The following VWF variants were observed in gnomAD, a reference collection of about 807,000 sequenced individuals.
VWF encodes von Willebrand factor, also known as Factor VIII related antigen.
Under a neutral mutation model 308.6 loss-of-function variants are expected in VWF, and 176 were observed. That is an observed-to-expected ratio of 0.57 (90% CI 0.50 to 0.65). The LOEUF is 0.65. VWF is among the 30% of genes least tolerant of loss of function. VWF has a pLI of 0.00. For missense variants in VWF, 3,146 were observed against 3,648.2 expected, an observed-to-expected ratio of 0.86 and a Z score of 3.55; for synonymous variants, 1,385 against 1,443.4, an observed-to-expected ratio of 0.96 and a Z score of 0.92.
In VWF at chr12:6,051,673, G is replaced by A. The variant is rs139598094; in HGVS notation, c.2186+870C>T. On this transcript the variant is annotated intron_variant, in intron 16 of 51. Coordinates refer to ENST00000261405, the MANE Select transcript of VWF (RefSeq NM_000552.5). ...CGCCCGGGCTAGAATGCAGTGGCGC[G>A]ATCACAGTTCACTGCAGCCTTGGCT... Among the ~76,000 whole-genome samples the A allele has an allele frequency of 2.7e-3, 414 of 152,260 alleles. 7 individuals carry two copies. The highest frequency in any genetic ancestry group is 7.0e-4 in the African/African-American group (29 of 41,532).
At position 6,012,269 on chromosome 12, in the gene VWF, T is replaced by C. The variant is rs543887892; in HGVS notation, c.5621-139A>G. ...AAAAGAATCTGAACAAGGTTAACAG[T>C]GGAGACATAGGGACATGAGGCTGAG... On this transcript the variant is annotated intron_variant, in intron 32 of 51. Transcript: ENST00000261405. 2.6e-4 allele frequency: 246 copies of C among 954,454 alleles called. 4 individuals are homozygous for C. The South Asian group carries it at 3.1e-3, about 12-fold the overall frequency. The allele number at this position is 954,454 out of a possible 1,614,324, so 59.1% of individuals were successfully genotyped here. A position where few individuals can be genotyped will look rare whatever the true frequency, so the allele number is the denominator to read the frequency against.
At chr12:6,044,630 T>G (rs537746896) in intron 17 of VWF, among the ~76,000 whole-genome samples, 179 bp from the exon 18 acceptor site, 1 of 152,292 alleles carries the variant, frequency 6.6e-6, no homozygotes, top group South Asian at 2.1e-4. Flanking sequence ...GGGCATCTTC[T>G]CACCTGGGCT....
At chr12:6,051,910 C>G (rs957525501) in intron 16 of VWF, among the ~76,000 whole-genome samples, 2 of 152,198 alleles carry the variant, frequency 1.3e-5, no homozygotes, top group Non-Finnish European at 2.9e-5. Flanking sequence ...ACTGCCCCAG[C>G]CTGGCTCATC....
At chr12:5,983,556 A>AT (rs1219845139) in intron 40 of VWF, among the ~76,000 whole-genome samples, 1 of 141,624 alleles carries the variant, frequency 7.1e-6, no homozygotes, top group Non-Finnish European at 1.6e-5. Flanking sequence ...TGATAGATAG[A>AT]GGATAGATGA....
At chr12:6,000,608 C>CT (rs1943860633) in intron 34 of VWF, among the ~76,000 whole-genome samples, 1 of 151,704 alleles carries the variant, frequency 6.6e-6, no homozygotes, top group Non-Finnish European at 1.5e-5. Context: ...GTGATGGAGA[C>CT]CATCCCGGCT....
chr12:6,059,974 T>C (rs1591892062), intron 13 of VWF, among the ~76,000 whole-genome samples: 1 of 152,064 alleles, frequency 6.6e-6, no homozygotes, highest in South Asian at 2.1e-4. Context: ...TTCTCAGAGT[T>C]TGATGCTCCC....
At position 6,103,484 on chromosome 12, in the gene VWF, A is replaced by ATACACATATG. The variant is rs1368271017; in HGVS notation, c.532+6889_532+6890insCATATGTGTA. ...TATATACACATATGTGTGTATATAC[A>ATACACATATG]TATATGTGTATACACACACGTATAT... is the stretch of plus-strand genomic sequence containing the variant. On this transcript the variant is annotated intron_variant, in intron 5 of 51. Transcript: ENST00000261405. 7.0e-4 allele frequency among the ~76,000 whole-genome samples: 97 copies of ATACACATATG among 138,640 alleles called. 10 individuals carry two copies. Among genetic ancestry groups the ATACACATATG allele is most frequent in the African/African-American group, 2.8e-3 (93 of 33,420 alleles). The allele number at this position is 138,640 out of a possible 152,430, so 91.0% of individuals were successfully genotyped here.
At chr12:6,102,519 G>A (rs529550246) in intron 5 of VWF, among the ~76,000 whole-genome samples, 23 of 151,990 alleles carry the variant, frequency 1.5e-4, no homozygotes, top group Non-Finnish European at 2.5e-4. Context: ...GGCGGATCAC[G>A]AGGTCAAGAG....
At chr12:5,998,512 T>A (rs1448168237) in intron 34 of VWF, among the ~76,000 whole-genome samples, 13 of 80,230 alleles carry the variant, frequency 1.6e-4, no homozygotes, top group East Asian at 9.3e-4. Context: ...TATATATATA[T>A]ATATATATAT....
At chr12:5,985,158 G>A (rs1301462348) in intron 39 of VWF, 39 bp from the exon 40 acceptor site, 1 of 1,593,240 alleles carries the variant, frequency 6.3e-7, no homozygotes, top group African/African-American at 1.3e-5. Context: ...AGAGAAATTA[G>A]TGGTGGGACA....
chr12:6,107,825 A>AT lies in VWF; in HGVS notation c.532+2548dup, dbSNP rs1393007371. 5.3e-5 allele frequency among the ~76,000 whole-genome samples: 8 copies of AT among 152,030 alleles called. No homozygotes were observed. The East Asian group carries it at 1.2e-3, about 22-fold the overall frequency. ...AGGCACCTGCCACCACACCTGGCTC[A>AT]TTTTTTGTATTTTTAGTAGAGACGG... is the stretch of plus-strand genomic sequence containing the variant. On this transcript the variant is annotated intron_variant, in intron 5 of 51. Transcript: ENST00000261405.
rs1358240846 is a variant in VWF, at chr12:5,952,434, G to A, written c.8072C>T (p.Thr2691Ile). 3.1e-6 allele frequency: 5 copies of A among 1,614,150 alleles called. No homozygotes were observed. Among genetic ancestry groups the A allele is most frequent in the Admixed American group, 1.7e-5 (1 of 60,028 alleles). The part of the protein sequence containing the change: ...RGEYFWEKRV[T>I]GCPPFDEHKC... ...GTGTTCATCAAAGGGTGGGCAGCCT[G>A]TGACCCTCTTCTCCCAGAAGTACTC... The change falls in exon 49 of 52, where the codon ACA becomes ATA. Residue 2691 changes from threonine (T) to isoleucine (I), a missense_variant. Physicochemically the swap from Thr to Ile is moderately conservative, Grantham distance 89 (BLOSUM62 -1). This residue lies in a region of VWF where 989 missense variants were observed against 1,117.4 expected (regional missense o/e 0.89). Coordinates refer to ENST00000261405, the MANE Select transcript of VWF (RefSeq NM_000552.5).
chr12:5,984,998 G>A, intron 40 of VWF, 47 bp downstream of exon 40: 1 of 1,598,358 alleles, frequency 6.3e-7, no homozygotes, highest in East Asian at 2.2e-5. Context: ...GGTGCCCCCT[G>A]GGGCTAGGGT....
At chr12:5,995,370 G>C (rs1335857027) in intron 35 of VWF, among the ~76,000 whole-genome samples, 18 of 152,094 alleles carry the variant, frequency 1.2e-4, no homozygotes, top group Admixed American at 9.8e-4. Context: ...TTACTCACTT[G>C]ATATATGACT....
chr12:5,959,229 T>G (rs1943283624), intron 47 of VWF, among the ~76,000 whole-genome samples: 3 of 151,844 alleles, frequency 2.0e-5, no homozygotes, highest in Non-Finnish European at 4.4e-5. Flanking sequence ...AAATAAAAAA[T>G]AAAGGAGGTT....
chr12:5,998,542 T>A (rs1237349605), intron 34 of VWF, among the ~76,000 whole-genome samples: 1 of 97,398 alleles, frequency 1.0e-5, no homozygotes, highest in African/African-American at 4.0e-5. Flanking sequence ...TATGGTCAAG[T>A]CAAGGAGCCA....
chr12:6,056,183 T>C (rs930412140), intron 15 of VWF, among the ~76,000 whole-genome samples: 1 of 140,320 alleles, frequency 7.1e-6, no homozygotes, highest in Non-Finnish European at 1.5e-5. Flanking sequence ...CATTTCCATC[T>C]GTGACTCTAA....
rs201529509 is a variant in VWF at position 6,046,841 on chromosome 12, G to A, written c.2187-24C>T. 4.1e-4 allele frequency: 665 copies of A among 1,608,120 alleles called. 3 individuals carry two copies. The highest frequency in any genetic ancestry group is 2.2e-4 in the Non-Finnish European group (255 of 1,175,718). ...AGCTGCAGAGAAGAAAATCATAGCC[G>A]AGCTTCACGAGACTCGTCTATACTC... On this transcript the variant is annotated intron_variant, in intron 16 of 51. Coordinates refer to ENST00000261405, the MANE Select transcript of VWF (RefSeq NM_000552.5). This position sits in a 1 kb window ranked among gnomAD's most constrained non-coding sequence, Gnocchi z 5.0.
intron 16 of VWF, among the ~76,000 whole-genome samples, chr12:6,049,867 A>G (rs1944489088): frequency 6.6e-6 from 1 of 152,074 alleles, no homozygotes; most frequent in Non-Finnish European, 1.5e-5. Flanking sequence ...TGCCCTTTTT[A>G]CTGGCCTTTG....
Sources: allele counts gnomAD v4.1 joint callset (sites outside exome capture counted in the v4.1 genomes callset), GRCh38; gene constraint gnomAD v4.1.1; regional missense constraint gnomAD v4.1.1; non-coding constraint Gnocchi (gnomAD v3.1); transcripts MANE v1.5; gene names NCBI Gene and HGNC (gene_info 2026-07-23, HGNC 2026-07-21).